The following PEX14 variants were observed in gnomAD, a reference collection of about 807,000 sequenced individuals.
PEX14 encodes the protein peroxisomal biogenesis factor 14.
In PEX14, 15 loss-of-function variants were observed where a neutral mutation model predicts 49.5. The ratio of observed to expected loss-of-function variants is 0.30; its 90% confidence interval spans 0.20 to 0.47. PEX14 has a LOEUF of 0.47. Among genes scored for constraint, PEX14 ranks in the 20% least tolerant of loss-of-function variants. The pLI is 1.00. For synonymous variants in PEX14, 210 were observed against 212.7 expected (o/e 0.99, Z 0.11); for missense variants, 398 against 494.8 (o/e 0.80, Z 1.86).
chr1:10,618,524 G>A, intron 5 of PEX14, 107 bp downstream of exon 5: 3 of 876,218 alleles, frequency 3.4e-6, no homozygotes, highest in Non-Finnish European at 5.6e-6. Context: ...CTCTGCCCTG[G>A]AGTGTGTTGG....
In PEX14 at chr1:10,536,416, T is replaced by TA. The variant is rs1638805026; in HGVS notation, c.169+119_169+120insA. On this transcript the variant is annotated intron_variant, in intron 3 of 8. Coordinates refer to ENST00000356607, the MANE Select transcript of PEX14 (RefSeq NM_004565.3). Reference sequence around the variant, plus strand: ...AGGACTTCCTAGAGCTGCCCACTCATGGGGCAGTGGGGCTGAGGCGAACCC... The same window carrying TA: ...AGGACTTCCTAGAGCTGCCCACTCATAGGGGCAGTGGGGCTGAGGCGAACCC... 4 of 733,064 alleles carry TA rather than the reference T, an allele frequency of 5.5e-6. No homozygotes were observed. In the African/African-American group the frequency reaches 6.9e-5, roughly 13 times the overall value. The allele number at this position is 733,064 out of a possible 1,614,324, so 45.4% of individuals were successfully genotyped here. A position where few individuals can be genotyped will look rare whatever the true frequency, so the allele number is the denominator to read the frequency against.
At chr1:10,583,218 T>C (rs1640376986) in intron 3 of PEX14, among the ~76,000 whole-genome samples, 2 of 148,974 alleles carry the variant, frequency 1.3e-5, no homozygotes, top group South Asian at 4.2e-4. Context: ...ATTTATTCTT[T>C]CTACACTTTT....
At chr1:10,488,538 C>T (rs537785467) in intron 1 of PEX14, among the ~76,000 whole-genome samples, 62 of 151,678 alleles carry the variant, frequency 4.1e-4, no homozygotes, top group Middle Eastern at 3.4e-3. Flanking sequence ...GTCACTCTGT[C>T]GCCCTGGCTG....
chr1:10,507,749 G>A (rs1641810507), intron 2 of PEX14, among the ~76,000 whole-genome samples: 1 of 152,154 alleles, frequency 6.6e-6, no homozygotes. Flanking sequence ...ATCCGCATAA[G>A]TAAAGAAAAT....
intron 2 of PEX14, among the ~76,000 whole-genome samples, chr1:10,531,892 G>A (rs890439987): frequency 2.6e-5 from 4 of 152,150 alleles, no homozygotes; most frequent in Non-Finnish European, 5.9e-5. Context: ...AAAATAAAGT[G>A]TGTATTCTGA....
At chr1:10,483,108 T>C (rs560989002) in intron 1 of PEX14, among the ~76,000 whole-genome samples, 161 of 152,342 alleles carry the variant, frequency 1.1e-3, no homozygotes, top group African/African-American at 3.7e-3. Context: ...CATTTCTCCA[T>C]CATAAAGTTA....
chr1:10,543,529 G>A (rs908700881), intron 3 of PEX14, among the ~76,000 whole-genome samples: 13 of 152,218 alleles, frequency 8.5e-5, no homozygotes, highest in East Asian at 1.9e-4. Context: ...AGGCAGAGAC[G>A]CATGTGCCAG....
At chr1:10,567,669 A>G (rs1445493513) in intron 3 of PEX14, among the ~76,000 whole-genome samples, 1 of 151,912 alleles carries the variant, frequency 6.6e-6, no homozygotes, top group Admixed American at 6.6e-5. Context: ...TAATTTTTGT[A>G]TTTTTAGTAG....
chr1:10,525,458 T>A (rs545237578), intron 2 of PEX14, among the ~76,000 whole-genome samples: 1 of 152,374 alleles, frequency 6.6e-6, no homozygotes, highest in South Asian at 2.1e-4. Flanking sequence ...ACCGCTTTTT[T>A]AGAAAATGGA....
In PEX14 at chr1:10,483,999, T is replaced by C. The variant is rs548522800; in HGVS notation, c.36+8997T>C. On this transcript the variant is annotated intron_variant, in intron 1 of 8. Transcript: ENST00000356607. ...TGTGAAATTTATTTGTGTTATGGTA[T>C]GTATCAGTAATTATCAGTAATGAAT... 5.9e-5 allele frequency among the ~76,000 whole-genome samples: 9 copies of C among 151,632 alleles called. No individual in the cohort carries two copies. In the East Asian group the frequency reaches 1.7e-3, roughly 29 times the overall value.
At position 10,495,148 on chromosome 1, in the gene PEX14, A is replaced by G; in HGVS notation, c.37-126A>G. 6.4e-7 allele frequency: 1 copy of G among 1,563,366 alleles called. No individual in the cohort carries two copies. The highest frequency in any genetic ancestry group is 8.7e-7 in the Non-Finnish European group (1 of 1,151,798). ...CACTGCAAAATACTCTTGTGTCGTG[A>G]AAAACCAGTGAGAGATGTGAGAAAG... On this transcript the variant is annotated intron_variant, in intron 1 of 8. Coordinates refer to ENST00000356607, the MANE Select transcript of PEX14 (RefSeq NM_004565.3). The surrounding 1 kb of genome is among the most constrained non-coding windows in gnomAD (Gnocchi z 4.2).
intron 2 of PEX14, among the ~76,000 whole-genome samples, chr1:10,533,408 T>C (rs1250673537): frequency 6.6e-6 from 1 of 152,220 alleles, no homozygotes. Context: ...TTTTTGCAAG[T>C]TTGAAGTGTG....
intron 3 of PEX14, among the ~76,000 whole-genome samples, chr1:10,585,404 A>G (rs1326834975): frequency 1.3e-5 from 2 of 152,078 alleles, no homozygotes; most frequent in Admixed American, 6.6e-5. Flanking sequence ...AAAGATATAA[A>G]CCCCCAAAGT....
intron 4 of PEX14, among the ~76,000 whole-genome samples, chr1:10,603,072 AGGT>A (rs1456196025): frequency 6.6e-6 from 1 of 152,214 alleles, no homozygotes; most frequent in African/African-American, 2.4e-5. Flanking sequence ...GCTCAGTGGC[AGGT>A]GTGCCACTGA....
chr1:10,557,513 G>T (rs1377607273), intron 3 of PEX14, among the ~76,000 whole-genome samples: 4 of 152,196 alleles, frequency 2.6e-5, no homozygotes, highest in Non-Finnish European at 5.9e-5. Context: ...TTGAACCCTG[G>T]AGGTGGAGTT....
At chr1:10,571,528 G>A (rs1322754020) in intron 3 of PEX14, among the ~76,000 whole-genome samples, 1 of 152,126 alleles carries the variant, frequency 6.6e-6, no homozygotes, top group Non-Finnish European at 1.5e-5. Context: ...GCTAAGATGG[G>A]CCGGGCACAG....
chr1:10,619,900 G>A (rs1641540676), intron 5 of PEX14, among the ~76,000 whole-genome samples: 1 of 152,038 alleles, frequency 6.6e-6, no homozygotes, highest in South Asian at 2.1e-4. Flanking sequence ...TTGATCACGA[G>A]GTCAGTAGAT....
chr1:10,549,161 TA>T (rs1570249104), intron 3 of PEX14, among the ~76,000 whole-genome samples: 1 of 152,312 alleles, frequency 6.6e-6, no homozygotes, highest in East Asian at 1.9e-4. Context: ...TGTGATAAAT[TA>T]AATATCACAA....
intron 3 of PEX14, among the ~76,000 whole-genome samples, chr1:10,577,563 T>TGTATATATATATATATATATA (rs1557854885): frequency 8.1e-4 from 2 of 2,462 alleles, no homozygotes; most frequent in African/African-American, 3.0e-3. Context: ...TATATATATA[T>TGTATATATATATATATATATA]TTTTTTTTTT....
Sources: allele counts gnomAD v4.1 joint callset (sites outside exome capture counted in the v4.1 genomes callset), GRCh38; gene constraint gnomAD v4.1.1; non-coding constraint Gnocchi (gnomAD v3.1); transcripts MANE v1.5; gene names NCBI Gene and HGNC (gene_info 2026-07-23, HGNC 2026-07-21).